The following MED1 variants were observed in gnomAD, a reference collection of about 807,000 sequenced individuals.
MED1 encodes mediator complex subunit 1.
A neutral mutation model predicts 121.3 loss-of-function variants in MED1; 17 were observed. The observed-to-expected ratio is 0.14, with a 90% CI of 0.10 to 0.21. The LOEUF (loss-of-function observed/expected upper bound fraction) is 0.21, where lower values mean the gene tolerates loss of function less well. Among genes scored for constraint, MED1 ranks in the 10% least tolerant of loss-of-function variants. The probability of loss-of-function intolerance (pLI) is 1.00; values close to 1 mark genes in which losing one functional copy is unlikely to be tolerated. For synonymous variants in MED1, 661 were observed against 694.4 expected, an observed-to-expected ratio of 0.95 and a Z score of 0.76; for missense variants, 1,558 against 1,919.4, an observed-to-expected ratio of 0.81 and a Z score of 3.52.
chr17:39,438,883 AG>A (rs2048645428), intron 6 of MED1, among the ~76,000 whole-genome samples: 1 of 152,098 alleles, frequency 6.6e-6, no homozygotes, highest in African/African-American at 2.4e-5. Flanking sequence ...CAGGAGGCAG[AG>A]GTTGCAGTGA....
Position 39,440,932 on chromosome 17 carries a change from A to G in MED1, c.212-255T>C, listed in dbSNP as rs9646419. On this transcript the variant is annotated intron_variant, in intron 3 of 16. Transcript: ENST00000300651. This position sits in a 1 kb window ranked among gnomAD's most constrained non-coding sequence, Gnocchi z 4.1. ...TTTCATTACTCCTTATGTGGGACAAACTGCCTTTAACTTAAGACACATTTA... is the reference window on the plus strand; with the variant it reads ...TTTCATTACTCCTTATGTGGGACAAGCTGCCTTTAACTTAAGACACATTTA... 0.79 allele frequency among the ~76,000 whole-genome samples: 119,480 copies of G among 151,964 alleles called. 47,486 individuals carry two copies. Among genetic ancestry groups the G allele is most frequent in the South Asian group, 0.92 (4,436 of 4,822 alleles).
Position 39,432,330 on chromosome 17 carries a change from A to G in MED1, c.501-314T>C, listed in dbSNP as rs866149110. On this transcript the variant is annotated intron_variant, in intron 7 of 16. Transcript: ENST00000300651. ...TGCACTCCAGCCTGGGTGACAGAAC[A>G]AGATTCCATCTCAAAAAAAAAAAAA... Among the ~76,000 whole-genome samples, 5 of 133,450 alleles carry G rather than the reference A, an allele frequency of 3.7e-5. No individual in the cohort carries two copies. In the East Asian group the frequency reaches 6.6e-4, roughly 18 times the overall value. 87.5% of individuals were successfully genotyped at this position (133,450 alleles called of 152,430 possible). A position where few individuals can be genotyped will look rare whatever the true frequency, so the allele number is the denominator to read the frequency against.
rs1362367561 is a variant in MED1, at chr17:39,408,993, C to T, written c.3228G>A (p.Lys1076=). The T allele has an allele frequency of 6.2e-7, 1 of 1,614,198 alleles. No homozygotes were observed. Among genetic ancestry groups the T allele is most frequent in the South Asian group, 1.1e-5 (1 of 91,086 alleles). Residue 1076 remains lysine (K), a synonymous_variant, in exon 17 of 17, where the codon AAG becomes AAA. Transcript: ENST00000300651. This position sits in a 1 kb window ranked among gnomAD's most constrained non-coding sequence, Gnocchi z 4.7. Reference sequence around the variant, plus strand: ...TGGTATACTGACTGTGAGAGGAAGGCTTGCCCACCATCACTGTTCCCTTAG... The same window carrying T: ...TGGTATACTGACTGTGAGAGGAAGGTTTGCCCACCATCACTGTTCCCTTAG... The part of the protein sequence containing the change: ...QIPKGTVMVG[K]PSSHSQYTSS...
chr17:39,449,742 T>C (rs2048763356), intron 1 of MED1, among the ~76,000 whole-genome samples: 1 of 149,976 alleles, frequency 6.7e-6, no homozygotes, highest in African/African-American at 2.5e-5. Flanking sequence ...ACTCCTAACC[T>C]CAGGTGATCC....
chr17:39,434,128 A>G, intron 7 of MED1, 121 bp downstream of exon 7: 3 of 631,350 alleles, frequency 4.8e-6, no homozygotes, highest in Non-Finnish European at 8.3e-6. Context: ...TACAGATTGC[A>G]GTATAAGTAG....
intron 16 of MED1, among the ~76,000 whole-genome samples, chr17:39,413,984 T>C (rs2048381592): frequency 6.8e-6 from 1 of 147,084 alleles, no homozygotes; most frequent in African/African-American, 2.5e-5. Flanking sequence ...CCCAGAACTT[T>C]GGGAGGCCAA....
In MED1 at chr17:39,405,187, T is replaced by G; in HGVS notation, c.*2288A>C. On this transcript the variant is annotated 3_prime_UTR_variant, in exon 17 of 17. Coordinates refer to ENST00000300651, the MANE Select transcript of MED1 (RefSeq NM_004774.4). ...AGTGCTCCCTGGTTCTCAGGCAGGGTGAAGCAGTTTAGCCCCGGCTCCCTG... is the reference window on the plus strand; with the variant it reads ...AGTGCTCCCTGGTTCTCAGGCAGGGGGAAGCAGTTTAGCCCCGGCTCCCTG... The G allele has an allele frequency of 6.5e-7, 1 of 1,538,294 alleles. No individual in the cohort carries two copies. The highest frequency in any genetic ancestry group is 8.8e-7 in the Non-Finnish European group (1 of 1,138,952).
At chr17:39,435,651 T>G (rs1019312100) in intron 6 of MED1, among the ~76,000 whole-genome samples, 3 of 152,160 alleles carry the variant, frequency 2.0e-5, no homozygotes, top group Non-Finnish European at 2.9e-5. Context: ...TATTACCATC[T>G]ATACTAAATG....
intron 10 of MED1, 162 bp downstream of exon 10, chr17:39,427,539 A>AT: frequency 1.8e-6 from 1 of 558,738 alleles, no homozygotes; most frequent in Non-Finnish European, 3.2e-6. Flanking sequence ...GTGTATATAC[A>AT]TATGTATGTA....
At chr17:39,425,875 A>G (rs887263849) in intron 10 of MED1, among the ~76,000 whole-genome samples, 3 of 152,132 alleles carry the variant, frequency 2.0e-5, no homozygotes, top group Admixed American at 6.6e-5. Context: ...GTCAGTAAAT[A>G]AAACACAAGA....
Position 39,440,798 on chromosome 17 carries a change from G to A in MED1, c.212-121C>T, listed in dbSNP as rs769061542. The A allele has an allele frequency of 7.5e-6, 7 of 938,502 alleles. No individual in the cohort carries two copies. The highest frequency in any genetic ancestry group is 1.7e-5 in the African/African-American group (1 of 59,992). The allele number at this position is 938,502 out of a possible 1,614,324, so 58.1% of individuals were successfully genotyped here. On this transcript the variant is annotated intron_variant, in intron 3 of 16. Coordinates refer to ENST00000300651, the MANE Select transcript of MED1 (RefSeq NM_004774.4). The surrounding 1 kb of genome is among the most constrained non-coding windows in gnomAD (Gnocchi z 4.1). ...AACATATTCAGTAGTTCAAATGCTTGTAATTTACATAAAGTTCACTGATTA... is the reference window on the plus strand; with the variant it reads ...AACATATTCAGTAGTTCAAATGCTTATAATTTACATAAAGTTCACTGATTA...
chr17:39,448,775 G>A (rs2048753968), intron 1 of MED1, among the ~76,000 whole-genome samples: 1 of 151,950 alleles, frequency 6.6e-6, no homozygotes, highest in Admixed American at 6.6e-5. Flanking sequence ...CGGGCTTGGT[G>A]GTACATGCCT....
In MED1 at chr17:39,405,326, A is replaced by C. The variant is rs781688324; in HGVS notation, c.*2149T>G. ...TCTTTGATCTGGGATGAAGACAGAA[A>C]GAGAGAAAAGCTTCCCAGTTTACTC... On this transcript the variant is annotated 3_prime_UTR_variant, in exon 17 of 17. Transcript: ENST00000300651. The C allele has an allele frequency of 6.3e-7, 1 of 1,599,340 alleles. No homozygotes were observed. Among genetic ancestry groups the C allele is most frequent in the African/African-American group, 1.3e-5 (1 of 74,776 alleles).
intron 14 of MED1, 91 bp downstream of exon 14, chr17:39,419,626 C>G: frequency 7.6e-7 from 1 of 1,312,152 alleles, no homozygotes; most frequent in Non-Finnish European, 1.1e-6. Context: ...TTTTTAAGTT[C>G]TACAGGTGAT....
chr17:39,437,083 C>A (rs1597870328), intron 6 of MED1, among the ~76,000 whole-genome samples: 1 of 152,134 alleles, frequency 6.6e-6, no homozygotes, highest in African/African-American at 2.4e-5. Context: ...CAAGCATGTG[C>A]CACCACGCAC....
intron 6 of MED1, among the ~76,000 whole-genome samples, chr17:39,435,215 C>T (rs1431502104): frequency 2.6e-5 from 4 of 152,054 alleles, no homozygotes; most frequent in Admixed American, 1.3e-4. Context: ...GGGTATACAG[C>T]AACATGAGAG....
chr17:39,446,404 C>A (rs185256565), intron 2 of MED1, among the ~76,000 whole-genome samples: 1 of 143,250 alleles, frequency 7.0e-6, no homozygotes, highest in Admixed American at 7.3e-5. Flanking sequence ...GAGCCGAGAT[C>A]GCACCACTGC....
Position 39,427,723 on chromosome 17 carries a change from G to T in MED1, c.717C>A (p.Pro239=). The T allele has an allele frequency of 6.2e-7, 1 of 1,600,526 alleles. No homozygotes were observed. Among genetic ancestry groups the T allele is most frequent in the Non-Finnish European group, 8.6e-7 (1 of 1,168,220 alleles). Residue 239 remains proline, a synonymous_variant, in exon 10 of 17, where the codon CCC becomes CCA. Transcript: ENST00000300651. ...SDLLDDKTAS[P]IILHENNVSR... Reference sequence around the variant, plus strand: ...TACCATTATTCTCATGCAAAATGATGGGAGATGCAGTCTTGTCATCCAGTA... The same window carrying T: ...TACCATTATTCTCATGCAAAATGATTGGAGATGCAGTCTTGTCATCCAGTA...
intron 14 of MED1, among the ~76,000 whole-genome samples, chr17:39,416,610 A>G (rs1361299245): frequency 6.6e-6 from 1 of 152,228 alleles, no homozygotes; most frequent in Non-Finnish European, 1.5e-5. Context: ...CAGAAGTGCC[A>G]CAACTTTGAA....
Sources: allele counts gnomAD v4.1 joint callset (sites outside exome capture counted in the v4.1 genomes callset), GRCh38; gene constraint gnomAD v4.1.1; non-coding constraint Gnocchi (gnomAD v3.1); transcripts MANE v1.5; gene names NCBI Gene and HGNC (gene_info 2026-07-23, HGNC 2026-07-21).